SIPA1L3: variants seen among roughly 807,000 people sequenced by gnomAD.
SIPA1L3 encodes signal-induced proliferation-associated 1-like protein 3.
A neutral mutation model predicts 150.1 loss-of-function variants in SIPA1L3; 59 were observed. The observed-to-expected ratio is 0.39, with a 90% confidence interval of 0.32 to 0.49. The LOEUF (loss-of-function observed/expected upper bound fraction) is 0.49, where lower values mean the gene tolerates loss of function less well. Ranked by LOEUF, SIPA1L3 falls within the 20% of genes least tolerant of loss-of-function variation. SIPA1L3 has a pLI of 0.86. For missense variants in SIPA1L3, 2,211 were observed against 2,489.5 expected (o/e 0.89, Z 2.38); for synonymous variants, 1,070 against 1,077.6 (o/e 0.99, Z 0.14).
chr19:38,020,002 A>T (rs1166253238), intron 1 of SIPA1L3, among the ~76,000 whole-genome samples: 2 of 152,110 alleles, frequency 1.3e-5, no homozygotes, highest in Non-Finnish European at 2.9e-5. Flanking sequence ...CTGAGACGAG[A>T]GGATCAACTG....
At chr19:38,094,705 G>C (rs912278412) in intron 4 of SIPA1L3, among the ~76,000 whole-genome samples, 2 of 152,028 alleles carry the variant, frequency 1.3e-5, no homozygotes, top group African/African-American at 4.8e-5. Context: ...AGCTGAGGCG[G>C]GAAGATTGCT....
chr19:37,951,403 T>C (rs1381715112), intron 1 of SIPA1L3, among the ~76,000 whole-genome samples: 1 of 152,210 alleles, frequency 6.6e-6, no homozygotes, highest in African/African-American at 2.4e-5. Context: ...TTGTACAGAA[T>C]AGGATTCTAA....
At chr19:38,163,269 C>T (rs952552991) in intron 14 of SIPA1L3, among the ~76,000 whole-genome samples, 1 of 152,150 alleles carries the variant, frequency 6.6e-6, no homozygotes, top group Non-Finnish European at 1.5e-5. Flanking sequence ...GCGGACGGAT[C>T]ACCTGCAGTC....
chr19:38,115,050 G>A (rs1251820124), intron 8 of SIPA1L3, among the ~76,000 whole-genome samples: 1 of 152,216 alleles, frequency 6.6e-6, no homozygotes, highest in Non-Finnish European at 1.5e-5. Context: ...CACTGACAGA[G>A]GTGTGGGGAG....
At position 38,160,034 on chromosome 19, in the gene SIPA1L3, C is replaced by T. The variant is rs544188301; in HGVS notation, c.3662-2219C>T. 9.2e-5 allele frequency among the ~76,000 whole-genome samples: 14 copies of T among 152,116 alleles called. No individual in the cohort carries two copies. In the South Asian group the frequency reaches 2.1e-3, roughly 23 times the overall value. On this transcript the variant is annotated intron_variant, in intron 13 of 21. Transcript: ENST00000222345. ...TTATTTTTTATTTATTTTTTTGAGA[C>T]GGAGTATTGCTCTGTTGCCCAGGAT...
At chr19:38,106,854 C>A (rs2145870609) in intron 7 of SIPA1L3, among the ~76,000 whole-genome samples, 1 of 152,370 alleles carries the variant, frequency 6.6e-6, no homozygotes, top group East Asian at 1.9e-4. Flanking sequence ...CTTGGGCGCC[C>A]TGCCCAGCCC....
chr19:38,181,380 C>G (rs1454071917), intron 15 of SIPA1L3, among the ~76,000 whole-genome samples: 1 of 152,118 alleles, frequency 6.6e-6, no homozygotes, highest in Non-Finnish European at 1.5e-5. Context: ...TGCCGTGTTC[C>G]CAGGTACTTA....
rs1446882937 is a variant in SIPA1L3, at chr19:38,082,375, C to T, written c.810C>T (p.Ser270=). The change falls in exon 3 of 22, where the codon AGC becomes AGT. Residue 270 remains serine, a synonymous_variant. Transcript: ENST00000222345. ...DSHNGQPAKD[S]LLPLQPTKEK... is the part of the protein sequence containing the mutation. ...ACAACGGGCAGCCCGCCAAGGACAG[C>T]CTCCTGCCACTGCAGCCCACGAAGG... 4 of 1,597,880 alleles carry T rather than the reference C, an allele frequency of 2.5e-6. No homozygotes were observed. Among genetic ancestry groups the T allele is most frequent in the Non-Finnish European group, 3.4e-6 (4 of 1,178,292 alleles).
intron 11 of SIPA1L3, among the ~76,000 whole-genome samples, chr19:38,141,870 T>G (rs1206018290): frequency 6.6e-6 from 1 of 152,202 alleles, no homozygotes; most frequent in Non-Finnish European, 1.5e-5. Context: ...TGGTCCCAGC[T>G]GCCCAAGAGG....
chr19:38,096,708 G>A (rs993855063), intron 4 of SIPA1L3, among the ~76,000 whole-genome samples: 2 of 152,160 alleles, frequency 1.3e-5, no homozygotes, highest in Admixed American at 1.3e-4. Context: ...AGCATGAGCT[G>A]GTATTAGTGA....
intron 17 of SIPA1L3, among the ~76,000 whole-genome samples, 174 bp downstream of exon 17, chr19:38,192,484 T>A (rs904417326): frequency 6.6e-6 from 1 of 151,716 alleles, no homozygotes; most frequent in African/African-American, 2.4e-5. Flanking sequence ...TGGCTGGGAG[T>A]GAGGGCAGCG....
rs926743970 is a variant in SIPA1L3, at chr19:37,921,125, C to T, written c.-379+13767C>T. ...GCAGGAAACGTGCCCCTTTCCAGTT[C>T]TGACTCTGGACAAAAGAAGAAAAAG... is the stretch of plus-strand genomic sequence containing the variant. On this transcript the variant is annotated intron_variant, in intron 1 of 21. Coordinates refer to ENST00000222345, the MANE Select transcript of SIPA1L3 (RefSeq NM_015073.3). Among the ~76,000 whole-genome samples the T allele has an allele frequency of 5.3e-5, 8 of 152,160 alleles. No homozygotes were observed. The East Asian group carries it at 1.5e-3, about 29-fold the overall frequency.
chr19:38,063,130 C>A (rs930654000), intron 2 of SIPA1L3, among the ~76,000 whole-genome samples: 1 of 152,192 alleles, frequency 6.6e-6, no homozygotes, highest in African/African-American at 2.4e-5. Flanking sequence ...GGGCCTGGCT[C>A]CCCGACAGCC....
intron 1 of SIPA1L3, among the ~76,000 whole-genome samples, chr19:37,909,199 A>G (rs930776912): frequency 2.4e-4 from 36 of 152,146 alleles, no homozygotes; most frequent in African/African-American, 8.0e-4. Context: ...CTCCCATCTG[A>G]TGGGCACTGA....
chr19:38,056,033 C>A (rs1969306622), intron 2 of SIPA1L3, among the ~76,000 whole-genome samples: 1 of 152,238 alleles, frequency 6.6e-6, no homozygotes, highest in African/African-American at 2.4e-5. Flanking sequence ...CGAGTCTGAA[C>A]AGTGTGGGGG....
chr19:38,129,281 G>T (rs571544518), intron 9 of SIPA1L3, among the ~76,000 whole-genome samples: 42 of 152,278 alleles, frequency 2.8e-4, no homozygotes, highest in Non-Finnish European at 5.4e-4. Flanking sequence ...TCAGCTCCAT[G>T]TTGGGGGAAG....
At chr19:38,184,753 C>G (rs562274444) in intron 16 of SIPA1L3, 1 of 152,318 alleles carries the variant, frequency 6.6e-6, no homozygotes, top group East Asian at 1.9e-4. Context: ...GTGTGCTGAG[C>G]TCACACTGAG....
Position 38,181,565 on chromosome 19 carries a change from C to T in SIPA1L3, c.4209-954C>T, listed in dbSNP as rs75812153. On this transcript the variant is annotated intron_variant, in intron 15 of 21. Transcript: ENST00000222345. ...TGTTTTTGCATAGAAAAAGGTTGAC[C>T]GGGTGCGGTGGCTCACACCTGTAAT... Among the ~76,000 whole-genome samples, 11 of 152,044 alleles carry T rather than the reference C, an allele frequency of 7.2e-5. 1 individual carries two copies. The South Asian group carries it at 1.2e-3, about 17-fold the overall frequency.
intron 1 of SIPA1L3, among the ~76,000 whole-genome samples, chr19:37,949,769 A>G (rs2046745283): frequency 6.6e-6 from 1 of 152,056 alleles, no homozygotes; most frequent in African/African-American, 2.4e-5. Context: ...AAGCAACATC[A>G]TATCATGGTT....
Sources: allele counts gnomAD v4.1 joint callset (sites outside exome capture counted in the v4.1 genomes callset), GRCh38; gene constraint gnomAD v4.1.1; transcripts MANE v1.5; gene names NCBI Gene and HGNC (gene_info 2026-07-23, HGNC 2026-07-21).